The following NCR3LG1 variants were observed in gnomAD, a reference collection of about 807,000 sequenced individuals.
The protein encoded by NCR3LG1 is natural cytotoxicity triggering receptor 3 ligand 1.
A neutral mutation model predicts 34.8 loss-of-function variants in NCR3LG1; 35 were observed. That is an observed-to-expected ratio of 1.01 (90% CI 0.77 to 1.33). The LOEUF (loss-of-function observed/expected upper bound fraction) is 1.33. NCR3LG1 is among the 40% of genes most tolerant of loss of function. The pLI is 0.00. For missense variants in NCR3LG1, 452 were observed against 423.3 expected, an observed-to-expected ratio of 1.07 and a Z score of -0.60; for synonymous variants, 173 against 163.6, an observed-to-expected ratio of 1.06 and a Z score of -0.44.
intron 2 of NCR3LG1, 82 bp downstream of exon 2, chr11:17,357,083 C>A: frequency 1.1e-6 from 1 of 895,996 alleles, no homozygotes; most frequent in Non-Finnish European, 1.6e-6. Context: ...CTTTGAGCTC[C>A]ACTTTCCTGT....
chr11:17,359,040 T>C (rs1222730931), intron 2 of NCR3LG1, among the ~76,000 whole-genome samples: 1 of 152,212 alleles, frequency 6.6e-6, no homozygotes, highest in Admixed American at 6.5e-5. Context: ...TCATCTTGTA[T>C]ATTTCCTCTC....
intron 2 of NCR3LG1, among the ~76,000 whole-genome samples, chr11:17,358,131 C>A (rs148770618): frequency 6.6e-6 from 1 of 152,272 alleles, no homozygotes; most frequent in African/African-American, 2.4e-5. Context: ...CTGTTATTAA[C>A]ATCTTGTATT....
At position 17,377,182 on chromosome 11, in the gene NCR3LG1, GAAA is replaced by G. The variant is rs1953485146; in HGVS notation, c.*4671_*4673del. The G allele has an allele frequency of 6.6e-6, 1 of 152,022 alleles. No homozygotes were observed. The highest frequency in any genetic ancestry group is 2.4e-5 in the African/African-American group (1 of 41,362). The allele number at this position is 152,022 out of a possible 1,614,324, so 9.4% of individuals were successfully genotyped here. ...GGGCATATCGTGTCCCTGGTCTTTTGAAACTCCATTTGTCGGCCAGGTGTGGTG... is the reference window on the plus strand; with the variant it reads ...GGGCATATCGTGTCCCTGGTCTTTTGCTCCATTTGTCGGCCAGGTGTGGTG... On this transcript the variant is annotated 3_prime_UTR_variant, in exon 5 of 5. Coordinates refer to ENST00000338965, the MANE Select transcript of NCR3LG1 (RefSeq NM_001202439.3).
intron 2 of NCR3LG1, among the ~76,000 whole-genome samples, chr11:17,362,799 T>TC (rs200476891): frequency 0.12 from 16,518 of 143,064 alleles, 3,398 homozygotes; most frequent in African/African-American, 0.27. Context: ...TTTCTCTCTC[T>TC]TTCTTTCTTT....
chr11:17,380,274 C>A (rs1384757908), downstream of NCR3LG1, among the ~76,000 whole-genome samples: 2 of 152,094 alleles, frequency 1.3e-5, no homozygotes, highest in African/African-American at 4.8e-5. Context: ...ACTCTGGTTT[C>A]CTCCCACATC....
intron 1 of NCR3LG1, among the ~76,000 whole-genome samples, chr11:17,353,772 C>T (rs1016963132): frequency 2.6e-5 from 4 of 152,206 alleles, no homozygotes; most frequent in Non-Finnish European, 5.9e-5. Flanking sequence ...CCACGAGGAG[C>T]GCGGCGGCGG....
Position 17,357,021 on chromosome 11 carries a change from GCCCTACAGTT to G in NCR3LG1, c.421+24_421+33del. The G allele has an allele frequency of 6.9e-7, 1 of 1,458,812 alleles. No individual in the cohort carries two copies. Among genetic ancestry groups the G allele is most frequent in the Non-Finnish European group, 9.1e-7 (1 of 1,098,612 alleles). 90.4% of individuals were successfully genotyped at this position (1,458,812 alleles called of 1,614,324 possible). ...TTGTGGGTGAGTGTCTCGGGGCAGT[GCCCTACAGTT>G]CCCATGGTGTTGGGGTTAGCAACAA... is the stretch of plus-strand genomic sequence containing the variant. On this transcript the variant is annotated intron_variant, in intron 2 of 4. Coordinates refer to ENST00000338965, the MANE Select transcript of NCR3LG1 (RefSeq NM_001202439.3).
rs1358753142 is a variant in NCR3LG1 at position 17,376,229 on chromosome 11, C to A, written c.*3717C>A. ...GTCTTTTGGTGTGGGTGCATACCTTCATTAACTGGGTAGAGGCATTCCCAT... is the reference window on the plus strand; with the variant it reads ...GTCTTTTGGTGTGGGTGCATACCTTAATTAACTGGGTAGAGGCATTCCCAT... On this transcript the variant is annotated 3_prime_UTR_variant, in exon 5 of 5. Transcript: ENST00000338965. 2.0e-5 allele frequency: 3 copies of A among 152,212 alleles called. No homozygotes were observed. Among genetic ancestry groups the A allele is most frequent in the South Asian group, 4.1e-4 (2 of 4,834 alleles). 9.4% of individuals were successfully genotyped at this position (152,212 alleles called of 1,614,324 possible).
Position 17,352,015 on chromosome 11 carries a change from C to T in NCR3LG1, c.46C>T (p.Leu16=). Residue 16 remains leucine, a synonymous_variant, in exon 1 of 5, where the codon CTG becomes TTG. Transcript: ENST00000338965. ...AASTCAALLI[L]LWALTTEGDL... is the part of the protein sequence containing the mutation. ...CTCCACGTGCGCGGCGCTCCTGATTCTGCTGTGGGCGCTGACGACCGAAGG... is the reference window on the plus strand; with the variant it reads ...CTCCACGTGCGCGGCGCTCCTGATTTTGCTGTGGGCGCTGACGACCGAAGG... 2 of 1,255,876 alleles carry T rather than the reference C, an allele frequency of 1.6e-6. No individual in the cohort carries two copies. Among genetic ancestry groups the T allele is most frequent in the Non-Finnish European group, 2.1e-6 (2 of 969,106 alleles). The allele number at this position is 1,255,876 out of a possible 1,614,324, so 77.8% of individuals were successfully genotyped here.
rs111895062 is a variant in NCR3LG1, at chr11:17,374,483, G to A, written c.*1971G>A. The stretch of plus-strand genomic sequence containing the variant: ...TCTCCTCTGTGCCCCAACTGAGGAA[G>A]TTTCTTGAGACGGCACTGAGGCTCT... On this transcript the variant is annotated 3_prime_UTR_variant, in exon 5 of 5. Transcript: ENST00000338965. 6.6e-6 allele frequency: 1 copy of A among 152,202 alleles called. No homozygotes were observed. The highest frequency in any genetic ancestry group is 1.5e-5 in the Non-Finnish European group (1 of 68,048). The allele number at this position is 152,202 out of a possible 1,614,324, so 9.4% of individuals were successfully genotyped here. A position where few individuals can be genotyped will look rare whatever the true frequency, so the allele number is the denominator to read the frequency against.
At chr11:17,358,553 T>C (rs1467029109) in intron 2 of NCR3LG1, among the ~76,000 whole-genome samples, 1 of 152,182 alleles carries the variant, frequency 6.6e-6, no homozygotes, top group Non-Finnish European at 1.5e-5. Context: ...GTAGTGTTTG[T>C]CTGGTTTCTC....
chr11:17,372,225 A>G lies in NCR3LG1; in HGVS notation c.1078A>G (p.Lys360Glu), dbSNP rs1953415522. 1 of 703,022 alleles carries G rather than the reference A, an allele frequency of 1.4e-6. No individual in the cohort carries two copies. The highest frequency in any genetic ancestry group is 1.7e-5 in the African/African-American group (1 of 57,256). 43.5% of individuals were successfully genotyped at this position (703,022 alleles called of 1,614,324 possible). ...QLDVFCRQEG[K>E]WSEVPYVQAF... The stretch of plus-strand genomic sequence containing the variant: ...AGATGTTTTCTGCAGACAGGAGGGC[A>G]AATGGTCCGAGGTTCCTTATGTGCA... Residue 360 changes from lysine to glutamate, a missense_variant, in exon 5 of 5, where the codon AAA becomes GAA. Physicochemically the swap from Lys to Glu is moderately conservative, Grantham distance 56. Transcript: ENST00000338965.
rs1454553731 is a variant in NCR3LG1 at position 17,361,708 on chromosome 11, AT to A, written c.421+4714del. Among the ~76,000 whole-genome samples, 10 of 151,876 alleles carry A rather than the reference AT, an allele frequency of 6.6e-5. No individual in the cohort carries two copies. In the South Asian group the frequency reaches 1.9e-3, roughly 28 times the overall value. ...CTTTAATCACTTATTCATTCTAGGG[AT>A]TTTTTTGTTTTTGTTTTTGTTTTTG... On this transcript the variant is annotated intron_variant, in intron 2 of 4. Coordinates refer to ENST00000338965, the MANE Select transcript of NCR3LG1 (RefSeq NM_001202439.3).
chr11:17,371,947 C>G (rs60423336), intron 4 of NCR3LG1, 59 bp from the exon 5 acceptor site: 1 of 631,630 alleles, frequency 1.6e-6, no homozygotes, highest in African/African-American at 1.8e-5. Flanking sequence ...TCTCTGCTGT[C>G]GATCACTCCA....
intron 1 of NCR3LG1, among the ~76,000 whole-genome samples, chr11:17,352,520 C>G (rs1002889329): frequency 6.6e-6 from 1 of 152,106 alleles, no homozygotes; most frequent in African/African-American, 2.4e-5. Context: ...GAAGCGGAGT[C>G]CCCGATGCAA....
intron 1 of NCR3LG1, 145 bp downstream of exon 1, chr11:17,352,184 T>G: frequency 4.2e-6 from 2 of 480,592 alleles, no homozygotes; most frequent in East Asian, 4.0e-5. Flanking sequence ...CTCCTTTTTT[T>G]TTTTTTTTTT....
Position 17,352,040 on chromosome 11 carries a change from G to A in NCR3LG1, c.70+1G>A. On this transcript the variant is annotated splice_donor_variant, in intron 1 of 4. Coordinates refer to ENST00000338965, the MANE Select transcript of NCR3LG1 (RefSeq NM_001202439.3). LOFTEE classifies it high-confidence loss of function. ...CTGCTGTGGGCGCTGACGACCGAAGGTAGGGGGCGGCTGGGGTGGGCTGGG... is the reference window on the plus strand; with the variant it reads ...CTGCTGTGGGCGCTGACGACCGAAGATAGGGGGCGGCTGGGGTGGGCTGGG... The A allele has an allele frequency of 1.3e-6, 1 of 742,150 alleles. No individual in the cohort carries two copies. Among genetic ancestry groups the A allele is most frequent in the Non-Finnish European group, 2.0e-6 (1 of 506,352 alleles). The allele number at this position is 742,150 out of a possible 1,614,324, so 46.0% of individuals were successfully genotyped here.
At chr11:17,362,268 A>C (rs1029692647) in intron 2 of NCR3LG1, among the ~76,000 whole-genome samples, 2 of 151,594 alleles carry the variant, frequency 1.3e-5, no homozygotes, top group Non-Finnish European at 2.9e-5. Flanking sequence ...GATGACTTAC[A>C]TTAACCAATT....
intron 2 of NCR3LG1, among the ~76,000 whole-genome samples, chr11:17,362,724 CTTTCTTTCTTTCTTTCTTTCTTTCTT>C (rs1953288879): frequency 1.1e-5 from 1 of 92,068 alleles, no homozygotes; most frequent in Non-Finnish European, 2.0e-5. Flanking sequence ...TTCTTTCTTT[CTTTCTTTCTTTCTTTCTTTCTTTCTT>C]TCTTTCTTTC....
Sources: allele counts gnomAD v4.1 joint callset (sites outside exome capture counted in the v4.1 genomes callset), GRCh38; gene constraint gnomAD v4.1.1; transcripts MANE v1.5; gene names NCBI Gene and HGNC (gene_info 2026-07-23, HGNC 2026-07-21).